The following PEX1 variants were observed in gnomAD, a reference collection of about 807,000 sequenced individuals.
The protein encoded by PEX1 is peroxisomal ATPase PEX1.
In PEX1, 97 loss-of-function variants were observed where a neutral mutation model predicts 152.5. The ratio of observed to expected loss-of-function variants is 0.64; its 90% CI spans 0.54 to 0.75. The LOEUF (loss-of-function observed/expected upper bound fraction) is 0.75. PEX1 is among the 30% of genes least tolerant of loss of function. PEX1 has a pLI of 0.00. For missense variants in PEX1, 1,357 were observed against 1,516.3 expected, an observed-to-expected ratio of 0.89 and a Z score of 1.74; for synonymous variants, 485 against 531.6, an observed-to-expected ratio of 0.91 and a Z score of 1.21.
intron 1 of PEX1, among the ~76,000 whole-genome samples, chr7:92,525,275 C>G (rs1035120439): frequency 2.6e-5 from 4 of 152,210 alleles, no homozygotes; most frequent in Non-Finnish European, 1.5e-5. Flanking sequence ...TTGACCCAAA[C>G]TGAGGTATCA....
In PEX1 at chr7:92,518,989, CT is replaced by C. The variant is rs772906174; in HGVS notation, c.357+5del. On this transcript the variant is annotated splice_donor_5th_base_variant and intron_variant, in intron 3 of 23. Coordinates refer to ENST00000248633, the MANE Select transcript of PEX1 (RefSeq NM_000466.3). Reference sequence around the variant, plus strand: ...AATGAGATAGTTCTTATTTGGTTTTCTTTACCAGTATCTCCCAATCATCTGC... The same window carrying C: ...AATGAGATAGTTCTTATTTGGTTTTCTTACCAGTATCTCCCAATCATCTGC... The C allele has an allele frequency of 6.3e-7, 1 of 1,595,692 alleles. No homozygotes were observed. Among genetic ancestry groups the C allele is most frequent in the South Asian group, 1.1e-5 (1 of 90,704 alleles).
intron 20 of PEX1, 63 bp downstream of exon 20, chr7:92,492,890 T>A (rs1195401857): frequency 1.5e-5 from 20 of 1,297,694 alleles, no homozygotes; most frequent in Non-Finnish European, 2.0e-5. Flanking sequence ...AAGGTGGAAA[T>A]TTTGACATTG....
intron 21 of PEX1, among the ~76,000 whole-genome samples, chr7:92,491,056 G>A (rs191873559): frequency 3.3e-5 from 5 of 152,232 alleles, no homozygotes; most frequent in East Asian, 1.9e-4. Flanking sequence ...TCACAACCAC[G>A]CGCTACTTTG....
At chr7:92,493,284 T>A (rs1325106400) in intron 19 of PEX1, 155 bp from the exon 20 acceptor site, 2 of 479,022 alleles carry the variant, frequency 4.2e-6, no homozygotes, top group African/African-American at 4.0e-5. Flanking sequence ...ACTATTTATC[T>A]TCCTTGGAAT....
intron 22 of PEX1, 23 bp from the exon 23 acceptor site, chr7:92,489,446 C>T (rs180871355): frequency 2.7e-5 from 43 of 1,606,360 alleles, no homozygotes; most frequent in East Asian, 8.9e-5. Flanking sequence ...AAGAAATTGA[C>T]GAAGAGTTAA....
intron 20 of PEX1, 65 bp from the exon 21 acceptor site, chr7:92,491,567 T>C (rs1791324986): frequency 1.1e-6 from 1 of 928,074 alleles, no homozygotes. Flanking sequence ...AAATAAATAA[T>C]AACATAGATA....
chr7:92,490,130 G>A, intron 21 of PEX1: 1 of 576,194 alleles, frequency 1.7e-6, no homozygotes, highest in Non-Finnish European at 3.1e-6. Flanking sequence ...AGTGAAAATT[G>A]CCATAACACA....
intron 13 of PEX1, among the ~76,000 whole-genome samples, chr7:92,502,474 T>C (rs971766099): frequency 6.6e-6 from 1 of 152,232 alleles, no homozygotes; most frequent in Non-Finnish European, 1.5e-5. Context: ...TTTTGGTTCC[T>C]ATAAAACTTA....
chr7:92,507,008 G>C lies in PEX1; in HGVS notation c.1789C>G (p.Leu597Val). ...VAGLRNGALL[L>V]TGGKGSGKST... ...TAACCACTTACCTTTCCTCCTGTGAGTAAAAGAGCTCCATTCCTAAGTCCT... is the reference window on the plus strand; with the variant it reads ...TAACCACTTACCTTTCCTCCTGTGACTAAAAGAGCTCCATTCCTAAGTCCT... Residue 597 changes from leucine (L) to valine (V), a missense_variant, in exon 10 of 24, where the codon CTC (leucine) becomes GTC (valine). Physicochemically the swap from Leu to Val is conservative, Grantham distance 32 (BLOSUM62 1). Transcript: ENST00000248633. 2 of 1,614,092 alleles carry C rather than the reference G, an allele frequency of 1.2e-6. No individual in the cohort carries two copies. The highest frequency in any genetic ancestry group is 1.7e-6 in the Non-Finnish European group (2 of 1,179,960).
In PEX1 at chr7:92,528,441, C is replaced by CG; in HGVS notation, c.-7dup. 2.3e-5 allele frequency: 36 copies of CG among 1,580,736 alleles called. No individual in the cohort carries two copies. The highest frequency in any genetic ancestry group is 3.0e-5 in the Non-Finnish European group (35 of 1,165,288). On this transcript the variant is annotated 5_prime_UTR_variant, in exon 1 of 24. Transcript: ENST00000248633. ...AGGCGATCGCTGCCCCACATCGTCC[C>CG]GGAGCGTCGCTCTGGGTTCGCCCAC...
intron 11 of PEX1, 137 bp from the exon 12 acceptor site, chr7:92,505,039 A>G (rs1792120960): frequency 1.5e-6 from 1 of 681,392 alleles, no homozygotes; most frequent in Non-Finnish European, 2.6e-6. Context: ...TAATATACCC[A>G]TCACAAAAAC....
chr7:92,496,849 T>A, intron 16 of PEX1, 72 bp from the exon 17 acceptor site: 2 of 917,814 alleles, frequency 2.2e-6, no homozygotes, highest in Non-Finnish European at 3.6e-6. Flanking sequence ...TGACTAAGTC[T>A]AAATGAATCA....
chr7:92,501,855 A>C (rs1791943673), intron 14 of PEX1, 35 bp downstream of exon 14: 2 of 1,554,054 alleles, frequency 1.3e-6, no homozygotes, highest in Non-Finnish European at 1.8e-6. Context: ...AATAGAAAGA[A>C]GATTCCAAGT....
rs111535201 is a variant in PEX1, at chr7:92,499,858, A to T, written c.2584-20T>A. ...TGGATACTGAGAAACAAAAAAAAAA[A>T]ATATGAAAAAGAGCTCAAGTCTAAA... On this transcript the variant is annotated intron_variant, in intron 15 of 23. Transcript: ENST00000248633. 53,085 of 1,566,440 alleles carry T rather than the reference A, an allele frequency of 0.034. 959 individuals carry two copies. Among genetic ancestry groups the T allele is most frequent in the Middle Eastern group, 0.05 (300 of 5,958 alleles).
intron 1 of PEX1, among the ~76,000 whole-genome samples, chr7:92,525,193 GAAGA>G (rs1331872352): frequency 2.0e-5 from 3 of 152,182 alleles, no homozygotes; most frequent in African/African-American, 7.2e-5. Flanking sequence ...CAGGTAAAGA[GAAGA>G]AAGAGACAGC....
intron 6 of PEX1, 91 bp from the exon 7 acceptor site, chr7:92,511,794 G>T: frequency 8.1e-7 from 1 of 1,235,850 alleles, no homozygotes; most frequent in Non-Finnish European, 1.2e-6. Context: ...CTAATAAAGT[G>T]TAAGCCTGAC....
chr7:92,521,178 C>T (rs1793033897), intron 2 of PEX1, among the ~76,000 whole-genome samples: 1 of 152,054 alleles, frequency 6.6e-6, no homozygotes, highest in African/African-American at 2.4e-5. Flanking sequence ...CCTAGCCAGG[C>T]TAATCTTGAA....
intron 8 of PEX1, 137 bp from the exon 9 acceptor site, chr7:92,509,548 C>T: frequency 3.0e-6 from 2 of 661,236 alleles, no homozygotes; most frequent in Non-Finnish European, 2.7e-6. Flanking sequence ...ATTATTTAAA[C>T]ACCCTTGACA....
rs181183761 is a variant in PEX1 at position 92,523,051 on chromosome 7, A to G, written c.130-806T>C. On this transcript the variant is annotated intron_variant, in intron 1 of 23. Transcript: ENST00000248633. The stretch of plus-strand genomic sequence containing the variant: ...TTCTCATTAAAAAAGCAATTACATT[A>G]AAACATGTAAGTTTGTGGCCAAGGA... 1.7e-3 allele frequency among the ~76,000 whole-genome samples: 261 copies of G among 152,354 alleles called. 1 individual carries two copies. Among genetic ancestry groups the G allele is most frequent in the African/African-American group, 5.9e-3 (247 of 41,584 alleles).
Sources: allele counts gnomAD v4.1 joint callset (sites outside exome capture counted in the v4.1 genomes callset), GRCh38; gene constraint gnomAD v4.1.1; transcripts MANE v1.5; gene names NCBI Gene and HGNC (gene_info 2026-07-23, HGNC 2026-07-21).